KCNK17: variants seen among roughly 807,000 people sequenced by gnomAD.
KCNK17 encodes the protein potassium two pore domain channel subfamily K member 17.
A neutral mutation model predicts 24.6 loss-of-function variants in KCNK17; 27 were observed. That is an observed-to-expected ratio of 1.10 (90% CI 0.81 to 1.51). The LOEUF (loss-of-function observed/expected upper bound fraction) is 1.51. KCNK17 is among the 40% of genes most tolerant of loss of function. KCNK17 has a pLI of 0.00. For missense variants in KCNK17, 450 were observed against 436.6 expected (o/e 1.03, Z -0.27); for synonymous variants, 181 against 189.8 (o/e 0.95, Z 0.38).
intron 1 of KCNK17, among the ~76,000 whole-genome samples, 176 bp downstream of exon 1, chr6:39,313,908 C>A (rs1762209313): frequency 6.6e-6 from 1 of 152,242 alleles, no homozygotes; most frequent in Non-Finnish European, 1.5e-5. Context: ...CCCCAACCCT[C>A]TGGTCCCCGC....
rs775783573 is a variant in KCNK17 at position 39,304,122 on chromosome 6, T to C, written c.523A>G (p.Lys175Glu). The change falls in exon 4 of 5, where the codon AAG becomes GAG. Residue 175 changes from lysine to glutamate, a missense_variant. Transcript: ENST00000373231. Reference protein sequence around the residue: ...RLGGTWQDPDKARWLAGSGAL... With the variant: ...RLGGTWQDPDEARWLAGSGAL... ...CCAGAGCCCGCCAGCCACCGCGCCT[T>C]GTCAGGATCCTGTGGGTGCAACATT... 38 of 1,608,170 alleles carry C rather than the reference T, an allele frequency of 2.4e-5. No homozygotes were observed. The highest frequency in any genetic ancestry group is 3.1e-5 in the Non-Finnish European group (37 of 1,179,882).
chr6:39,308,364 C>T (rs916119306), intron 2 of KCNK17, among the ~76,000 whole-genome samples: 4 of 152,254 alleles, frequency 2.6e-5, no homozygotes, highest in African/African-American at 9.6e-5. Flanking sequence ...AATCTCGGCT[C>T]ACTGCAACCT....
chr6:39,306,903 T>C (rs1348961962), intron 2 of KCNK17, among the ~76,000 whole-genome samples: 2 of 152,032 alleles, frequency 1.3e-5, no homozygotes, highest in Admixed American at 1.3e-4. Context: ...TAGCTGGGAT[T>C]ACAGACACAT....
rs371696306 is a variant in KCNK17, at chr6:39,299,624, C to T, written c.802G>A (p.Glu268Lys). 6.2e-7 allele frequency: 1 copy of T among 1,614,106 alleles called. No homozygotes were observed. The highest frequency in any genetic ancestry group is 8.5e-7 in the Non-Finnish European group (1 of 1,180,024). ...CAGGAACATACCCTCCCTGGCGTCT[C>T]CAGCTGGGAGAGGATGAGTTTGATG... ...LIIKLILSQL[E>K]TPGRVCSCCH... Residue 268 changes from glutamate (E) to lysine (K), a missense_variant, in exon 5 of 5, where the codon GAG becomes AAG. Glu to Lys is a moderately conservative substitution (Grantham distance 56). Coordinates refer to ENST00000373231, the MANE Select transcript of KCNK17 (RefSeq NM_031460.4).
intron 2 of KCNK17, 27 bp downstream of exon 2, chr6:39,310,865 CA>C: frequency 1.6e-6 from 2 of 1,258,932 alleles, no homozygotes; most frequent in Non-Finnish European, 2.3e-6. Context: ...CCCCCACCCC[CA>C]TCCCCCTGGC....
intron 4 of KCNK17, among the ~76,000 whole-genome samples, chr6:39,303,260 C>T (rs768057944): frequency 2.3e-4 from 35 of 152,246 alleles, no homozygotes; most frequent in African/African-American, 7.2e-4. Flanking sequence ...GAGGCTGGCG[C>T]GGTAGTGGTG....
At position 39,303,939 on chromosome 6, in the gene KCNK17, A is replaced by G. The variant is rs762480088; in HGVS notation, c.688+18T>C. ...GCAGCCGAATGTCCCCGCCAGCCCA[A>G]CCGCCAGGAACTCTCACCAATCACG... On this transcript the variant is annotated intron_variant, in intron 4 of 4. Transcript: ENST00000373231. 4.6e-5 allele frequency: 74 copies of G among 1,607,614 alleles called. No individual in the cohort carries two copies. The East Asian group carries it at 4.7e-4, about 10-fold the overall frequency.
At chr6:39,303,356 C>T (rs1761975840) in intron 4 of KCNK17, among the ~76,000 whole-genome samples, 1 of 152,202 alleles carries the variant, frequency 6.6e-6, no homozygotes, top group Non-Finnish European at 1.5e-5. Context: ...AATGTCCCTC[C>T]ACTGCCACCT....
chr6:39,301,384 G>A (rs1256812773), intron 4 of KCNK17, among the ~76,000 whole-genome samples: 1 of 152,176 alleles, frequency 6.6e-6, no homozygotes. Context: ...CTCTCTCCAG[G>A]TCCCCCAAGG....
Position 39,314,302 on chromosome 6 carries a change from G to T in KCNK17, c.19C>A (p.Arg7=), listed in dbSNP as rs1431965774. Residue 7 remains arginine (R), a synonymous_variant, in exon 1 of 5, where the codon CGG becomes AGG. Coordinates refer to ENST00000373231, the MANE Select transcript of KCNK17 (RefSeq NM_031460.4). ...CGGACCCTGCCCTCGGGAGCCGCCC[G>T]GGCTCGCGGTCGGTACATAGCGGGA... The part of the protein sequence containing the change: MYRPRA[R]AAPEGRVRGC... 4.8e-6 allele frequency: 7 copies of T among 1,461,042 alleles called. No homozygotes were observed. Among genetic ancestry groups the T allele is most frequent in the South Asian group, 1.4e-5 (1 of 73,306 alleles). The allele number at this position is 1,461,042 out of a possible 1,614,324, so 90.5% of individuals were successfully genotyped here. A position where few individuals can be genotyped will look rare whatever the true frequency, so the allele number is the denominator to read the frequency against.
chr6:39,303,100 G>C (rs1387950917), intron 4 of KCNK17, among the ~76,000 whole-genome samples: 1 of 152,184 alleles, frequency 6.6e-6, no homozygotes, highest in Admixed American at 6.5e-5. Flanking sequence ...GTAAAATGGG[G>C]GTGACAATTG....
Position 39,304,132 on chromosome 6 carries a change from C to T in KCNK17, c.514-1G>A, listed in dbSNP as rs866258046. On this transcript the variant is annotated splice_acceptor_variant, in intron 3 of 4. Transcript: ENST00000373231. LOFTEE classifies it high-confidence loss of function. ...CCAGCCACCGCGCCTTGTCAGGATC[C>T]TGTGGGTGCAACATTGTCCCCAGGC... 6.2e-7 allele frequency: 1 copy of T among 1,606,686 alleles called. No homozygotes were observed.
At position 39,311,359 on chromosome 6, in the gene KCNK17, T is replaced by C. The variant is rs368386267; in HGVS notation, c.238-352A>G. Among the ~76,000 whole-genome samples the C allele has an allele frequency of 5.3e-5, 8 of 152,224 alleles. No individual in the cohort carries two copies. The East Asian group carries it at 1.5e-3, about 29-fold the overall frequency. On this transcript the variant is annotated intron_variant, in intron 1 of 4. Transcript: ENST00000373231. The stretch of plus-strand genomic sequence containing the variant: ...GCAACAAACACTAGGCCAGGCGTGA[T>C]GTGTGGTGCTTTTAGGGGACGTGAC...
Position 39,304,096 on chromosome 6 carries a change from G to A in KCNK17, c.549C>T (p.Gly183=), listed in dbSNP as rs374325536. The A allele has an allele frequency of 2.1e-5, 34 of 1,610,820 alleles. No homozygotes were observed. Among genetic ancestry groups the A allele is most frequent in the East Asian group, 4.5e-5 (2 of 44,882 alleles). ...AGAGCAGGAGGCCCGAGAGGAGGGC[G>A]CCAGAGCCCGCCAGCCACCGCGCCT... ...PDKARWLAGS[G]ALLSGLLLFL... is the part of the protein sequence containing the mutation. The change falls in exon 4 of 5, where the codon GGC becomes GGT. Residue 183 remains glycine (G), a synonymous_variant. Transcript: ENST00000373231.
chr6:39,306,846 C>A (rs1036453368), intron 2 of KCNK17, among the ~76,000 whole-genome samples: 1 of 150,722 alleles, frequency 6.6e-6, no homozygotes, highest in Non-Finnish European at 1.5e-5. Context: ...CTCATTGCAA[C>A]CTCTGACTCC....
chr6:39,310,536 G>A (rs1378584876), intron 2 of KCNK17, among the ~76,000 whole-genome samples: 1 of 152,132 alleles, frequency 6.6e-6, no homozygotes, highest in Non-Finnish European at 1.5e-5. Flanking sequence ...AGTGTTGGGT[G>A]GGCTCAGCTG....
At chr6:39,311,036 G>T in intron 1 of KCNK17, 29 bp from the exon 2 acceptor site, 1 of 1,366,196 alleles carries the variant, frequency 7.3e-7, no homozygotes. Flanking sequence ...TGACCACCAG[G>T]CTCTGTGGGG....
At chr6:39,309,816 T>C (rs539447086) in intron 2 of KCNK17, among the ~76,000 whole-genome samples, 14 of 152,336 alleles carry the variant, frequency 9.2e-5, no homozygotes, top group African/African-American at 3.4e-4. Flanking sequence ...GGCCTTGTAA[T>C]AGACCCTTGG....
At chr6:39,300,145 C>CAAACAAAGAGCAACAG (rs1761925879) in intron 4 of KCNK17, among the ~76,000 whole-genome samples, 1 of 151,922 alleles carries the variant, frequency 6.6e-6, no homozygotes, top group African/African-American at 2.4e-5. Context: ...GTTTTGGAGA[C>CAAACAAAGAGCAACAG]AGAGTCTCAC....
Sources: gnomAD v4.1 joint callset for allele counts (sites outside exome capture counted in the v4.1 genomes callset) on GRCh38, gnomAD v4.1.1 for gene constraint, MANE v1.5 for transcripts, NCBI Gene and HGNC (gene_info 2026-07-23, HGNC 2026-07-21) for gene names.